ZC3H18: variants seen among roughly 807,000 people sequenced by gnomAD.
The protein encoded by ZC3H18 is zinc finger CCCH-type containing 18.
Under a neutral mutation model 106.1 loss-of-function variants are expected in ZC3H18, and 8 were observed. The observed-to-expected ratio is 0.08, with a 90% CI of 0.04 to 0.14. The LOEUF (loss-of-function observed/expected upper bound fraction) is 0.14, where lower values mean the gene tolerates loss of function less well. Among genes scored for constraint, ZC3H18 ranks in the 10% least tolerant of loss-of-function variants. The probability of loss-of-function intolerance (pLI) is 1.00; values close to 1 mark genes in which losing one functional copy is unlikely to be tolerated. For synonymous variants in ZC3H18, 635 were observed against 522.1 expected (o/e 1.22, Z -2.95); for missense variants, 1,318 against 1,278.4 (o/e 1.03, Z -0.47).
chr16:88,627,548 G>C lies in ZC3H18; in HGVS notation c.2109-74G>C. 6.5e-7 allele frequency: 1 copy of C among 1,527,680 alleles called. No individual in the cohort carries two copies. Among genetic ancestry groups the C allele is most frequent in the South Asian group, 1.3e-5 (1 of 78,582 alleles). The allele number at this position is 1,527,680 out of a possible 1,614,324, so 94.6% of individuals were successfully genotyped here. ...CATAAATGGACACTGCGTAAAAGTG[G>C]ACCATGGAGCACCCCCTGCTGGCCC... On this transcript the variant is annotated intron_variant, in intron 13 of 17. Transcript: ENST00000301011. The surrounding 1 kb of genome is among the most constrained non-coding windows in gnomAD (Gnocchi z 4.5).
chr16:88,601,542 C>T (rs1904751056), intron 6 of ZC3H18, among the ~76,000 whole-genome samples: 2 of 151,878 alleles, frequency 1.3e-5, no homozygotes, highest in South Asian at 4.2e-4. Context: ...GTGTGTTTTA[C>T]CTATCAGTGT....
At position 88,600,042 on chromosome 16, in the gene ZC3H18, G is replaced by C. The variant is rs1393206477; in HGVS notation, c.1088+94G>C. The C allele has an allele frequency of 8.9e-6, 13 of 1,467,602 alleles. No homozygotes were observed. In the South Asian group the frequency reaches 1.1e-4, roughly 12 times the overall value. The allele number at this position is 1,467,602 out of a possible 1,614,324, so 90.9% of individuals were successfully genotyped here. On this transcript the variant is annotated intron_variant, in intron 6 of 17. Transcript: ENST00000301011. ...ATGTGCAGGGCCCCAGGGTGCGCTC[G>C]GCTGAGACCCAGCCCCACTCACTGG...
In ZC3H18 at chr16:88,623,209, C is replaced by T; in HGVS notation, c.1668-10C>T. ...TCACTTCTCGCCACGCTCCGTCCCG[C>T]CCGCCCCAGGTCGTCTTCGCGGTCA... On this transcript the variant is annotated splice_polypyrimidine_tract_variant and intron_variant, in intron 9 of 17. Coordinates refer to ENST00000301011, the MANE Select transcript of ZC3H18 (RefSeq NM_144604.4). 1 of 1,611,314 alleles carries T rather than the reference C, an allele frequency of 6.2e-7. No individual in the cohort carries two copies. The highest frequency in any genetic ancestry group is 8.5e-7 in the Non-Finnish European group (1 of 1,179,666).
chr16:88,625,838 A>ATTTTTTTTTTTTTTTTTTTTTTTTTTT (rs1175357328), intron 13 of ZC3H18: 2 of 104,468 alleles, frequency 1.9e-5, no homozygotes, highest in African/African-American at 3.9e-5. Context: ...ACAGAAAAAG[A>ATTTTTTTTTTTTTTTTTTTTTTTTTTT]TTTTTTTTTT....
At position 88,575,383 on chromosome 16, in the gene ZC3H18, A is replaced by G. The variant is rs536363390; in HGVS notation, c.-14-1727A>G. The stretch of plus-strand genomic sequence containing the variant: ...TAATCTGTTTCCAGACCTTGCCGAG[A>G]TGCCGAGCAGTGTGACCGTGACATA... On this transcript the variant is annotated intron_variant, in intron 1 of 17. Transcript: ENST00000301011. Among the ~76,000 whole-genome samples, 58 of 152,128 alleles carry G rather than the reference A, an allele frequency of 3.8e-4. No individual in the cohort carries two copies. In the South Asian group the frequency reaches 0.012, roughly 32 times the overall value.
rs201777324 is a variant in ZC3H18, at chr16:88,622,199, G to T, written c.1478G>T (p.Arg493Leu). The T allele has an allele frequency of 1.2e-6, 2 of 1,606,280 alleles. No individual in the cohort carries two copies. Among genetic ancestry groups the T allele is most frequent in the African/African-American group, 1.3e-5 (1 of 74,636 alleles). ...PKPRSPQPPS[R>L]QAEPPKKEAA... ...TGCTAATGCCTCTGTAATTTCAGCC[G>T]CCAAGCTGAGCCACCAAAGAAGGAG... The change falls in exon 9 of 18, where the codon CGC (arginine) becomes CTC (leucine). Residue 493 changes from arginine to leucine, a missense_variant and splice_region_variant. Around this residue, in one of 6 missense-constraint regions of ZC3H18, gnomAD observed 848 missense variants for 821.7 expected, o/e 1.03. Transcript: ENST00000301011.
chr16:88,612,911 G>A (rs1371748727), intron 8 of ZC3H18, among the ~76,000 whole-genome samples: 2 of 152,152 alleles, frequency 1.3e-5, no homozygotes, highest in Admixed American at 1.3e-4. Flanking sequence ...GCTAATACGG[G>A]AGGATCACTT....
chr16:88,594,155 A>C (rs2142642002), intron 3 of ZC3H18, among the ~76,000 whole-genome samples: 1 of 152,308 alleles, frequency 6.6e-6, no homozygotes, highest in Non-Finnish European at 1.5e-5. Flanking sequence ...GATCGCATGC[A>C]GATGGGAGGC....
At chr16:88,576,580 C>T (rs1333098752) in intron 1 of ZC3H18, among the ~76,000 whole-genome samples, 2 of 152,100 alleles carry the variant, frequency 1.3e-5, no homozygotes, top group East Asian at 3.8e-4. Context: ...CAGAGGCTGG[C>T]CTTCGAGAAG....
intron 3 of ZC3H18, chr16:88,587,399 T>C: frequency 1.5e-6 from 1 of 664,706 alleles, no homozygotes; most frequent in South Asian, 1.9e-5. Flanking sequence ...GCATATTTCT[T>C]GTAATTCAGC....
intron 6 of ZC3H18, among the ~76,000 whole-genome samples, chr16:88,606,444 C>G (rs1264900099): frequency 1.3e-5 from 2 of 152,228 alleles, no homozygotes; most frequent in Non-Finnish European, 2.9e-5. Flanking sequence ...GGAAAGAGGC[C>G]TTTTCATTTT....
chr16:88,600,162 A>G (rs1904673331), intron 6 of ZC3H18, among the ~76,000 whole-genome samples: 2 of 152,176 alleles, frequency 1.3e-5, no homozygotes, highest in African/African-American at 4.8e-5. Flanking sequence ...GCTCTGTGCC[A>G]TGGGCCTTGA....
intron 1 of ZC3H18, chr16:88,571,671 A>G: frequency 1.0e-6 from 1 of 985,434 alleles, no homozygotes; most frequent in Non-Finnish European, 1.2e-6. Context: ...GAAAGCAAAC[A>G]GGTAAGTTAA....
At chr16:88,584,885 A>G (rs547482037) in intron 2 of ZC3H18, among the ~76,000 whole-genome samples, 58 of 152,180 alleles carry the variant, frequency 3.8e-4, no homozygotes, top group African/African-American at 1.3e-3. Flanking sequence ...TCACCACCTC[A>G]TCTCCTACAC....
chr16:88,581,941 C>T (rs567582645), intron 2 of ZC3H18, among the ~76,000 whole-genome samples: 2 of 152,314 alleles, frequency 1.3e-5, no homozygotes, highest in East Asian at 3.9e-4. Flanking sequence ...TTATATCTGA[C>T]TTGACATTTG....
chr16:88,613,208 A>C (rs1414565798), intron 8 of ZC3H18, among the ~76,000 whole-genome samples: 1 of 152,216 alleles, frequency 6.6e-6, no homozygotes, highest in Admixed American at 6.5e-5. Context: ...AGCGTGGGTC[A>C]GTGCTTTATT....
In ZC3H18 at chr16:88,608,974, G is replaced by A; in HGVS notation, c.1129G>A (p.Glu377Lys). The A allele has an allele frequency of 2.5e-6, 4 of 1,613,894 alleles. No individual in the cohort carries two copies. Among genetic ancestry groups the A allele is most frequent in the Non-Finnish European group, 3.4e-6 (4 of 1,179,880 alleles). Reference sequence around the variant, plus strand: ...AGACCCTTATTATGACTATGAAATTGAGCGGTTTTGGCGTGGCGGACAGTA... The same window carrying A: ...AGACCCTTATTATGACTATGAAATTAAGCGGTTTTGGCGTGGCGGACAGTA... The part of the protein sequence containing the change: ...YADPYYDYEI[E>K]RFWRGGQYEN... The change falls in exon 7 of 18, where the codon GAG becomes AAG. Residue 377 changes from glutamate to lysine, a missense_variant. By Grantham distance (56) the Glu-to-Lys change is moderately conservative. Transcript: ENST00000301011.
rs575562182 is a variant in ZC3H18, at chr16:88,607,136, G to A, written c.1089-1798G>A. On this transcript the variant is annotated intron_variant, in intron 6 of 17. Transcript: ENST00000301011. ...TGACCTTCCCAGCAGCTGGACAGTC[G>A]TCCCCTCCCTGTTCAATGAAGAATC... Among the ~76,000 whole-genome samples, 16 of 152,270 alleles carry A rather than the reference G, an allele frequency of 1.1e-4. No individual in the cohort carries two copies. The East Asian group carries it at 1.7e-3, about 17-fold the overall frequency.
At chr16:88,626,640 A>G (rs1175468263) in intron 13 of ZC3H18, 3 of 152,034 alleles carry the variant, frequency 2.0e-5, no homozygotes, top group Non-Finnish European at 4.4e-5. Context: ...GGCATGAGCC[A>G]CCGCGCCTGG....
Sources: allele counts gnomAD v4.1 joint callset (sites outside exome capture counted in the v4.1 genomes callset), GRCh38; gene constraint gnomAD v4.1.1; regional missense constraint gnomAD v4.1.1; non-coding constraint Gnocchi (gnomAD v3.1); transcripts MANE v1.5; gene names NCBI Gene and HGNC (gene_info 2026-07-23, HGNC 2026-07-21).